Variants in SPAG9 observed in about 807,000 individuals in gnomAD.
The protein encoded by SPAG9 is sperm associated antigen 9.
Under a neutral mutation model 166.5 loss-of-function variants are expected in SPAG9, and 35 were observed. The observed-to-expected ratio is 0.21, with a 90% CI of 0.16 to 0.28. The LOEUF is 0.28. Ranked by LOEUF, SPAG9 falls within the 10% of genes least tolerant of loss-of-function variation. SPAG9 has a pLI of 1.00. For synonymous variants in SPAG9, 534 were observed against 565.5 expected (o/e 0.94, Z 0.79); for missense variants, 1,235 against 1,603.3 (o/e 0.77, Z 3.92).
chr17:51,028,100 A>T (rs2046256862), intron 6 of SPAG9, among the ~76,000 whole-genome samples: 1 of 152,004 alleles, frequency 6.6e-6, no homozygotes, highest in South Asian at 2.1e-4. Context: ...AATAGATAAA[A>T]GCTTATAGAA....
chr17:51,011,203 G>A (rs2045469602), intron 9 of SPAG9, among the ~76,000 whole-genome samples: 1 of 151,976 alleles, frequency 6.6e-6, no homozygotes, highest in Non-Finnish European at 1.5e-5. Flanking sequence ...GTGCATGCCT[G>A]TAGTCCCAGC....
At chr17:51,080,852 A>T (rs2048141818) in intron 1 of SPAG9, among the ~76,000 whole-genome samples, 1 of 133,444 alleles carries the variant, frequency 7.5e-6, no homozygotes, top group Admixed American at 8.5e-5. Context: ...GCACCACTGC[A>T]CTCCAGCCTG....
At chr17:51,054,513 T>C (rs189732936) in intron 3 of SPAG9, among the ~76,000 whole-genome samples, 1 of 151,798 alleles carries the variant, frequency 6.6e-6, no homozygotes, top group East Asian at 1.9e-4. Flanking sequence ...CTCGGCTCAC[T>C]GCAAGCTCCG....
At chr17:51,108,374 G>C (rs1037557982) in intron 1 of SPAG9, among the ~76,000 whole-genome samples, 12 of 113,258 alleles carry the variant, frequency 1.1e-4, no homozygotes, top group African/African-American at 4.3e-4. Context: ...GTGACAAAGC[G>C]AAAGACTGTC....
chr17:50,966,482 G>GTTTTGGGCATCTTGTTC, intron 29 of SPAG9, 95 bp from the exon 30 acceptor site: 1 of 801,166 alleles, frequency 1.2e-6, no homozygotes, highest in Non-Finnish European at 2.2e-6. Context: ...CCATGAACAA[G>GTTTTGGGCATCTTGTTC]ATGCCCAAAA....
At chr17:50,967,280 C>T (rs931188232) in intron 29 of SPAG9, among the ~76,000 whole-genome samples, 1 of 152,216 alleles carries the variant, frequency 6.6e-6, no homozygotes, top group Non-Finnish European at 1.5e-5. Context: ...TAAAAACATA[C>T]ACACCACAGG....
chr17:51,120,306 C>A lies in SPAG9; in HGVS notation c.303+48G>T, dbSNP rs1436154565. The A allele has an allele frequency of 1.4e-6, 2 of 1,449,912 alleles. No homozygotes were observed. Among genetic ancestry groups the A allele is most frequent in the Non-Finnish European group, 1.8e-6 (2 of 1,101,102 alleles). 89.8% of individuals were successfully genotyped at this position (1,449,912 alleles called of 1,614,324 possible). On this transcript the variant is annotated intron_variant, in intron 1 of 29. Transcript: ENST00000262013. The surrounding 1 kb of genome is among the most constrained non-coding windows in gnomAD (Gnocchi z 4.7). ...GACCGGGCCGCGACCCCGCCCCGGC[C>A]GCCCCCGGAGACGGATCCCGCGGCC... is the stretch of plus-strand genomic sequence containing the variant.
chr17:51,035,681 T>G (rs1568025570), intron 5 of SPAG9, among the ~76,000 whole-genome samples: 1 of 152,200 alleles, frequency 6.6e-6, no homozygotes, highest in South Asian at 2.1e-4. Context: ...TAACAAGAGC[T>G]TCTCACAGCA....
In SPAG9 at chr17:50,996,595, A is replaced by C. The variant is rs752079944; in HGVS notation, c.1938T>G (p.Phe646Leu). Residue 646 changes from phenylalanine (F) to leucine (L), a missense_variant, in exon 16 of 30, where the codon TTT becomes TTG. Around this residue, in one of 6 missense-constraint regions of SPAG9, gnomAD observed 493 missense variants for 559.4 expected, o/e 0.88. Transcript: ENST00000262013. Reference protein sequence around the residue: ...VQKEDGRVQAFGWSLPQKYKQ... With the variant: ...VQKEDGRVQALGWSLPQKYKQ... ...TGTACTTCTGAGGCAGACTCCAGCCAAAAGCCTGCACTCTACCGTCTTCCT... is the reference window on the plus strand; with the variant it reads ...TGTACTTCTGAGGCAGACTCCAGCCCAAAGCCTGCACTCTACCGTCTTCCT... The C allele has an allele frequency of 7.4e-5, 120 of 1,614,052 alleles. No homozygotes were observed. The East Asian group carries it at 2.7e-3, about 36-fold the overall frequency.
chr17:50,972,185 T>C (rs1465470331), intron 28 of SPAG9, among the ~76,000 whole-genome samples: 1 of 152,218 alleles, frequency 6.6e-6, no homozygotes, highest in African/African-American at 2.4e-5. Context: ...TGAGCCACCA[T>C]GCACAGCCTA....
intron 1 of SPAG9, among the ~76,000 whole-genome samples, chr17:51,095,189 G>A (rs538896614): frequency 3.4e-4 from 52 of 151,492 alleles, no homozygotes; most frequent in African/African-American, 1.1e-3. Context: ...CCCAGCTACC[G>A]GGAGGCTGAG....
At chr17:51,063,525 A>G (rs1483448064) in intron 2 of SPAG9, among the ~76,000 whole-genome samples, 2 of 152,194 alleles carry the variant, frequency 1.3e-5, no homozygotes, top group Admixed American at 6.5e-5. Context: ...TTTTCATATA[A>G]ATGTATTTTG....
In SPAG9 at chr17:50,995,279, T is replaced by C. The variant is rs2302284; in HGVS notation, c.2059-55A>G. 25,016 of 1,537,414 alleles carry C rather than the reference T, an allele frequency of 0.016. 1,101 individuals are homozygous for C. In the East Asian group the frequency reaches 0.18, roughly 11 times the overall value. ...AGTCTAGAAATGTTTAGCATTTTCA[T>C]GTTTTCTTAAAATAACTAATGGTTG... On this transcript the variant is annotated intron_variant, in intron 17 of 29. Coordinates refer to ENST00000262013, the MANE Select transcript of SPAG9 (RefSeq NM_001130528.3).
intron 2 of SPAG9, among the ~76,000 whole-genome samples, chr17:51,077,065 G>GCTAT (rs1491174150): frequency 1.5e-3 from 174 of 114,222 alleles, no homozygotes; most frequent in Admixed American, 6.0e-3. Flanking sequence ...TAGCTATCTA[G>GCTAT]CTAGCTATCT....
At chr17:51,047,258 GGA>G in intron 4 of SPAG9, 115 bp downstream of exon 4, 1 of 621,670 alleles carries the variant, frequency 1.6e-6, no homozygotes, top group Non-Finnish European at 2.7e-6. Context: ...CAACCACAGT[GGA>G]GAGCTTTTTG....
At chr17:51,086,601 C>T (rs181660180) in intron 1 of SPAG9, among the ~76,000 whole-genome samples, 291 of 151,758 alleles carry the variant, frequency 1.9e-3, no homozygotes, top group Non-Finnish European at 3.3e-3. Flanking sequence ...TGTAATGAGC[C>T]GACATCCCAC....
intron 3 of SPAG9, among the ~76,000 whole-genome samples, chr17:51,054,862 AC>A (rs1162909311): frequency 6.6e-6 from 1 of 152,140 alleles, no homozygotes. Flanking sequence ...ATTCTGTGAT[AC>A]TTCATGCTTT....
intron 24 of SPAG9, 146 bp from the exon 25 acceptor site, chr17:50,982,818 T>C (rs1974757684): frequency 1.3e-6 from 1 of 771,160 alleles, no homozygotes; most frequent in Non-Finnish European, 2.0e-6. Flanking sequence ...ATTTGCAGCC[T>C]GGGTTCTTTT....
At chr17:50,977,771 C>CT (rs1429940616) in intron 26 of SPAG9, among the ~76,000 whole-genome samples, 1 of 152,112 alleles carries the variant, frequency 6.6e-6, no homozygotes, top group Admixed American at 6.5e-5. Context: ...GTAGTCCCAG[C>CT]TATGTGGGAG....
Sources: gnomAD v4.1 joint callset for allele counts (sites outside exome capture counted in the v4.1 genomes callset) on GRCh38, gnomAD v4.1.1 for gene constraint, gnomAD v4.1.1 regional missense constraint, Gnocchi (gnomAD v3.1) non-coding constraint, MANE v1.5 for transcripts, NCBI Gene and HGNC (gene_info 2026-07-23, HGNC 2026-07-21) for gene names.